Variants in AAK1 observed in about 807,000 individuals in gnomAD.
AAK1 encodes the protein AP2 associated kinase 1, also known as AP2-associated protein kinase 1.
Under a neutral mutation model 116.0 loss-of-function variants are expected in AAK1, and 37 were observed. The observed-to-expected ratio is 0.32, with a 90% CI of 0.25 to 0.42. The LOEUF is 0.42. Among genes scored for constraint, AAK1 ranks in the 10% least tolerant of loss-of-function variants. The probability of loss-of-function intolerance (pLI) is 1.00; values close to 1 mark genes in which losing one functional copy is unlikely to be tolerated. For synonymous variants in AAK1, 458 were observed against 439.9 expected (o/e 1.04, Z -0.51); for missense variants, 919 against 1,170.6 (o/e 0.79, Z 3.14).
chr2:69,480,281 A>G (rs1399961353), intron 19 of AAK1, among the ~76,000 whole-genome samples: 1 of 151,708 alleles, frequency 6.6e-6, no homozygotes, highest in Non-Finnish European at 1.5e-5. Context: ...AAAAAAGAAG[A>G]AGGTTACCAA....
At chr2:69,531,304 C>T (rs1372363254) in intron 6 of AAK1, among the ~76,000 whole-genome samples, 2 of 152,174 alleles carry the variant, frequency 1.3e-5, no homozygotes, top group Admixed American at 6.5e-5. Context: ...CTCTAGATCC[C>T]AGATGGGACA....
chr2:69,584,454 G>T (rs1672680062), intron 2 of AAK1, among the ~76,000 whole-genome samples: 1 of 152,328 alleles, frequency 6.6e-6, no homozygotes, highest in Non-Finnish European at 1.5e-5. Flanking sequence ...GTCAGAGTCA[G>T]AAGGTTGCTT....
chr2:69,528,638 G>A (rs1018927323), intron 8 of AAK1, among the ~76,000 whole-genome samples: 8 of 152,226 alleles, frequency 5.3e-5, no homozygotes, highest in Admixed American at 2.6e-4. Flanking sequence ...GAGGACAGGC[G>A]AACTGGGTAT....
intron 16 of AAK1, among the ~76,000 whole-genome samples, chr2:69,500,694 T>TAC (rs1355670597): frequency 4.9e-4 from 54 of 110,066 alleles, no homozygotes; most frequent in African/African-American, 1.7e-3. Context: ...TATATATATA[T>TAC]ATATACACAC....
intron 15 of AAK1, among the ~76,000 whole-genome samples, 153 bp downstream of exon 15, chr2:69,507,268 T>C (rs952676668): frequency 2.6e-5 from 4 of 152,244 alleles, no homozygotes; most frequent in African/African-American, 9.6e-5. Context: ...CTGACTTGTA[T>C]GCATACTTTG....
intron 2 of AAK1, among the ~76,000 whole-genome samples, chr2:69,630,022 A>G (rs928552372): frequency 1.3e-5 from 2 of 152,152 alleles, no homozygotes; most frequent in African/African-American, 4.8e-5. Context: ...GGGGAACACC[A>G]TGAGTAAAGA....
intron 3 of AAK1, among the ~76,000 whole-genome samples, chr2:69,556,320 T>A (rs1309345703): frequency 6.6e-6 from 1 of 152,194 alleles, no homozygotes; most frequent in African/African-American, 2.4e-5. Context: ...TGGACTTCTA[T>A]AAATAGATTC....
chr2:69,612,628 T>C (rs1674137696), intron 2 of AAK1, among the ~76,000 whole-genome samples: 2 of 152,264 alleles, frequency 1.3e-5, no homozygotes, highest in Admixed American at 6.5e-5. Flanking sequence ...GCATCTTCTC[T>C]ATGGTCCTTG....
At chr2:69,624,609 T>C (rs1674812439) in intron 2 of AAK1, among the ~76,000 whole-genome samples, 1 of 152,242 alleles carries the variant, frequency 6.6e-6, no homozygotes, top group South Asian at 2.1e-4. Context: ...AATTTGCATG[T>C]CCAAAATAAT....
chr2:69,519,088 C>A lies in AAK1; in HGVS notation c.1363G>T (p.Ala455Ser), dbSNP rs755981927. 15 of 1,551,882 alleles carry A rather than the reference C, an allele frequency of 9.7e-6. No individual in the cohort carries two copies. In the East Asian group the frequency reaches 2.9e-4, roughly 30 times the overall value. ...TGCTGGGGTGTGGCCTGGGCCTGAG[C>A]GGGCAGACCCTGGGCCTGAGTAGAA... ...TPSTQAQGLP[A>S]QAQATPQHQQ... is the part of the protein sequence containing the mutation. Residue 455 changes from alanine (A) to serine (S), a missense_variant, in exon 12 of 22, where the codon GCT becomes TCT. Coordinates refer to ENST00000409085, the MANE Select transcript of AAK1 (RefSeq NM_014911.5).
At chr2:69,486,183 A>G (rs1675294480) in intron 17 of AAK1, among the ~76,000 whole-genome samples, 1 of 151,890 alleles carries the variant, frequency 6.6e-6, no homozygotes, top group Non-Finnish European at 1.5e-5. Context: ...GACAATCTTA[A>G]GCTCCTGGCC....
At chr2:69,582,251 C>CCA (rs1363135871) in intron 2 of AAK1, among the ~76,000 whole-genome samples, 1 of 152,134 alleles carries the variant, frequency 6.6e-6, no homozygotes, top group Non-Finnish European at 1.5e-5. Context: ...GTTTGGGGAA[C>CCA]CACTGTCCCA....
At chr2:69,520,376 T>C (rs1669717400) in intron 11 of AAK1, among the ~76,000 whole-genome samples, 1 of 150,842 alleles carries the variant, frequency 6.6e-6, no homozygotes, top group Admixed American at 6.6e-5. Flanking sequence ...TTTTTTTTTT[T>C]TGAAGCGGAG....
At chr2:69,614,700 AG>A (rs1371000547) in intron 2 of AAK1, among the ~76,000 whole-genome samples, 1 of 152,206 alleles carries the variant, frequency 6.6e-6, no homozygotes, top group South Asian at 2.1e-4. Context: ...GAGTCTTTGT[AG>A]GTGTAATTAA....
intron 2 of AAK1, among the ~76,000 whole-genome samples, chr2:69,604,601 C>T (rs925915934): frequency 6.6e-6 from 1 of 152,126 alleles, no homozygotes; most frequent in Non-Finnish European, 1.5e-5. Flanking sequence ...AAGGAACATA[C>T]GAGCTGACAC....
At chr2:69,616,579 T>C (rs755869421) in intron 2 of AAK1, among the ~76,000 whole-genome samples, 3 of 152,186 alleles carry the variant, frequency 2.0e-5, no homozygotes, top group Non-Finnish European at 4.4e-5. Flanking sequence ...TTCCCTGTTA[T>C]GGGGGCCATC....
intron 5 of AAK1, among the ~76,000 whole-genome samples, chr2:69,538,889 A>G (rs753162284): frequency 6.6e-6 from 1 of 152,216 alleles, no homozygotes; most frequent in Admixed American, 6.5e-5. Flanking sequence ...CTCAAAAAAA[A>G]ACAAAAAACA....
intron 2 of AAK1, among the ~76,000 whole-genome samples, chr2:69,632,294 G>C (rs1675220592): frequency 6.6e-6 from 1 of 152,124 alleles, no homozygotes; most frequent in African/African-American, 2.4e-5. Flanking sequence ...TCTAAAACAG[G>C]CAATTTTGCC....
chr2:69,466,156 G>T lies in AAK1; in HGVS notation c.*9713C>A. 3.1e-6 allele frequency: 4 copies of T among 1,290,298 alleles called. No individual in the cohort carries two copies. Among genetic ancestry groups the T allele is most frequent in the Non-Finnish European group, 4.0e-6 (4 of 988,878 alleles). The allele number at this position is 1,290,298 out of a possible 1,614,324, so 79.9% of individuals were successfully genotyped here. ...TCACTGAGCCCATCAGTGGCTGGCT[G>T]TGTGAAGGCTTGAAACTGGTTCTTT... On this transcript the variant is annotated 3_prime_UTR_variant, in exon 22 of 22. Coordinates refer to ENST00000409085, the MANE Select transcript of AAK1 (RefSeq NM_014911.5).
Sources: gnomAD v4.1 joint callset for allele counts (sites outside exome capture counted in the v4.1 genomes callset) on GRCh38, gnomAD v4.1.1 for gene constraint, MANE v1.5 for transcripts, NCBI Gene and HGNC (gene_info 2026-07-23, HGNC 2026-07-21) for gene names.